Variants in TPRA1 observed in about 807,000 individuals in gnomAD.
TPRA1 encodes the protein transmembrane protein adipocyte-associated 1.
Under a neutral mutation model 40.1 loss-of-function variants are expected in TPRA1, and 28 were observed. The observed-to-expected ratio is 0.70, with a 90% CI of 0.52 to 0.96. TPRA1 has a LOEUF of 0.96. Among genes scored for constraint, TPRA1 ranks in the 40% least tolerant of loss-of-function variants. The pLI is 0.00. For missense variants in TPRA1, 441 were observed against 482.6 expected, an observed-to-expected ratio of 0.91 and a Z score of 0.81; for synonymous variants, 219 against 209.7, an observed-to-expected ratio of 1.04 and a Z score of -0.38.
intron 1 of TPRA1, among the ~76,000 whole-genome samples, chr3:127,583,697 T>C (rs973105766): frequency 1.2e-4 from 18 of 151,512 alleles, no homozygotes; most frequent in Non-Finnish European, 8.8e-5. Flanking sequence ...TTTGAGACAT[T>C]GTCTTGCTCT....
chr3:127,574,810 T>C (rs2073525380), intron 10 of TPRA1, among the ~76,000 whole-genome samples: 1 of 152,264 alleles, frequency 6.6e-6, no homozygotes, highest in Non-Finnish European at 1.5e-5. Context: ...GATATGTGCA[T>C]ATATCTACAT....
chr3:127,582,401 A>G (rs1268443422), intron 1 of TPRA1, among the ~76,000 whole-genome samples: 4 of 152,164 alleles, frequency 2.6e-5, no homozygotes, highest in Admixed American at 6.5e-5. Context: ...CCTCATCTCT[A>G]CAAAAAATAC....
chr3:127,575,092 C>T, intron 10 of TPRA1, 93 bp downstream of exon 10: 2 of 1,411,980 alleles, frequency 1.4e-6, no homozygotes, highest in Non-Finnish European at 2.0e-6. Context: ...TGTATGCATA[C>T]ACAGCCTCTC....
At chr3:127,590,074 C>G (rs1173250674) in intron 1 of TPRA1, among the ~76,000 whole-genome samples, 2 of 152,180 alleles carry the variant, frequency 1.3e-5, no homozygotes, top group Non-Finnish European at 2.9e-5. Context: ...GAGCCCGTGC[C>G]GCCACCCCGC....
At chr3:127,585,896 T>C (rs1576391214) in intron 1 of TPRA1, among the ~76,000 whole-genome samples, 1 of 152,320 alleles carries the variant, frequency 6.6e-6, no homozygotes, top group African/African-American at 2.4e-5. Flanking sequence ...TAGTTTGACA[T>C]GGCAACTGCT....
chr3:127,580,469 C>A (rs1247270592), intron 1 of TPRA1: 1 of 308,746 alleles, frequency 3.2e-6, no homozygotes, highest in Admixed American at 4.5e-5. Flanking sequence ...GTCCTGAGGG[C>A]CCATGAGAGC....
intron 1 of TPRA1, among the ~76,000 whole-genome samples, chr3:127,580,884 G>C (rs1559841765): frequency 6.6e-6 from 1 of 152,250 alleles, no homozygotes; most frequent in Non-Finnish European, 1.5e-5. Flanking sequence ...GTACCACAGA[G>C]GGGCAAGGCA....
At chr3:127,580,386 C>G in intron 1 of TPRA1, 2 of 525,516 alleles carry the variant, frequency 3.8e-6, no homozygotes, top group Non-Finnish European at 6.8e-6. Flanking sequence ...TCACGACCTG[C>G]AAATAGTCTA....
Position 127,579,775 on chromosome 3 carries a change from T to C in TPRA1, c.223A>G (p.Thr75Ala). The C allele has an allele frequency of 6.2e-7, 1 of 1,613,960 alleles. No individual in the cohort carries two copies. Among genetic ancestry groups the C allele is most frequent in the Non-Finnish European group, 8.5e-7 (1 of 1,179,994 alleles). Residue 75 changes from threonine to alanine, a missense_variant, in exon 3 of 11, where the codon ACC (threonine) becomes GCC (alanine). Physicochemically the swap from Thr to Ala is moderately conservative, Grantham distance 58. Transcript: ENST00000355552. The part of the protein sequence containing the change: ...LPSARAKIRI[T>A]SSPIFITFYI... ...AAGGTGATAAAAATGGGGCTGGAGG[T>C]GATGCGGATCTTCGCCCGAGCAGAT... is the stretch of plus-strand genomic sequence containing the variant.
upstream of TPRA1, among the ~76,000 whole-genome samples, chr3:127,592,392 T>TG (rs2074192716): frequency 6.9e-6 from 1 of 144,860 alleles, no homozygotes; most frequent in African/African-American, 2.6e-5. Context: ...TTTTTTTTTT[T>TG]TTTTGAGACG....
In TPRA1 at chr3:127,573,227, A is replaced by AGGAG; in HGVS notation, c.*290_*293dup. On this transcript the variant is annotated 3_prime_UTR_variant, in exon 11 of 11. Transcript: ENST00000355552. ...TGCCCTCGTGCCAAGGGTGCAGAGA[A>AGGAG]GGAGGGTGCCCTCAGCCAACCTTGC... 1 of 344,748 alleles carries AGGAG rather than the reference A, an allele frequency of 2.9e-6. No individual in the cohort carries two copies. Among genetic ancestry groups the AGGAG allele is most frequent in the Admixed American group, 4.2e-5 (1 of 23,768 alleles). The allele number at this position is 344,748 out of a possible 1,614,324, so 21.4% of individuals were successfully genotyped here.
chr3:127,595,994 G>C (rs987712098), intron 1 of TPRA1, among the ~76,000 whole-genome samples: 1 of 152,116 alleles, frequency 6.6e-6, no homozygotes, highest in South Asian at 2.1e-4. Flanking sequence ...TTGAAGAAGA[G>C]GCACCCAGTG....
In TPRA1 at chr3:127,573,544, G is replaced by T. The variant is rs751953752; in HGVS notation, c.1099C>A (p.Arg367Ser). The change falls in exon 11 of 11, where the codon CGC (arginine) becomes AGC (serine). Residue 367 changes from arginine (R) to serine (S), a missense_variant. By Grantham distance (110) the Arg-to-Ser change is moderately radical (BLOSUM62 -1). Transcript: ENST00000355552. ...TGSINSTDSE[R>S]WKAINA is the part of the protein sequence containing the mutation. ...CCTCAGGCATTGATGGCCTTCCAGC[G>T]CTCGCTGTCTGTGCTGTTGATGCTG... The T allele has an allele frequency of 1.2e-6, 2 of 1,612,578 alleles. No homozygotes were observed. The highest frequency in any genetic ancestry group is 8.5e-7 in the Non-Finnish European group (1 of 1,179,718).
upstream of TPRA1, among the ~76,000 whole-genome samples, chr3:127,592,895 G>A (rs2074203362): frequency 6.6e-6 from 1 of 152,246 alleles, no homozygotes; most frequent in Admixed American, 6.5e-5. Context: ...CTTCCAGCCA[G>A]CTCTTGTCCT....
chr3:127,592,112 A>G (rs370740698), upstream of TPRA1, among the ~76,000 whole-genome samples: 7 of 152,198 alleles, frequency 4.6e-5, no homozygotes, highest in East Asian at 1.9e-4. Context: ...CACAGCCACA[A>G]TGAGCCGTGG....
chr3:127,579,027 T>TG (rs2073741006), intron 3 of TPRA1, among the ~76,000 whole-genome samples: 6 of 150,642 alleles, frequency 4.0e-5, no homozygotes, highest in African/African-American at 1.5e-4. Context: ...AGCCCACACC[T>TG]GAAGCCCACA....
chr3:127,575,235 G>C lies in TPRA1; in HGVS notation c.804C>G (p.Phe268Leu). Residue 268 changes from phenylalanine (F) to leucine (L), a missense_variant, in exon 10 of 11, where the codon TTC becomes TTG. By Grantham distance (22) the Phe-to-Leu change is conservative. Coordinates refer to ENST00000355552, the MANE Select transcript of TPRA1 (RefSeq NM_001136053.4). ...CGTAGATGAGCGGAGCGAAGAAGCT[G>C]AAGTACAGGAAGGTTGTGGCATCTA... ...CCVDATTFLY[F>L]SFFAPLIYVA... The C allele has an allele frequency of 6.2e-7, 1 of 1,613,986 alleles. No homozygotes were observed. The highest frequency in any genetic ancestry group is 8.5e-7 in the Non-Finnish European group (1 of 1,179,958).
rs908928960 is a variant in TPRA1, at chr3:127,572,409, A to G, written c.*1112T>C. On this transcript the variant is annotated 3_prime_UTR_variant, in exon 11 of 11. Coordinates refer to ENST00000355552, the MANE Select transcript of TPRA1 (RefSeq NM_001136053.4). ...CAACTCCCTTTCACTCTGGCTGCCAAAAAGCTCAAAGCCGAACTCAGGTAC... is the reference window on the plus strand; with the variant it reads ...CAACTCCCTTTCACTCTGGCTGCCAGAAAGCTCAAAGCCGAACTCAGGTAC... Among the ~76,000 whole-genome samples the G allele has an allele frequency of 6.6e-6, 1 of 152,204 alleles. No homozygotes were observed. The highest frequency in any genetic ancestry group is 1.5e-5 in the Non-Finnish European group (1 of 68,030).
upstream of TPRA1, among the ~76,000 whole-genome samples, chr3:127,591,344 C>A (rs2074166029): frequency 6.6e-6 from 1 of 152,250 alleles, no homozygotes; most frequent in South Asian, 2.1e-4. Context: ...TTTTACAGGG[C>A]CACCTGAGGC....
Sources: gnomAD v4.1 joint callset for allele counts (sites outside exome capture counted in the v4.1 genomes callset) on GRCh38, gnomAD v4.1.1 for gene constraint, MANE v1.5 for transcripts, NCBI Gene and HGNC (gene_info 2026-07-23, HGNC 2026-07-21) for gene names.